AGBL4: variants seen among roughly 807,000 people sequenced by gnomAD.
AGBL4 encodes the protein AGBL carboxypeptidase 4, also known as cytosolic carboxypeptidase 6.
AGBL4 carries 58 observed loss-of-function variants against 66.4 expected under a neutral mutation model. That is an observed-to-expected ratio of 0.87 (90% confidence interval 0.71 to 1.09). The LOEUF is 1.09. Ranked by LOEUF, AGBL4 falls within the 50% of genes least tolerant of loss-of-function variation. The pLI is 0.00. For synonymous variants in AGBL4, 234 were observed against 222.9 expected (o/e 1.05, Z -0.44); for missense variants, 579 against 631.0 (o/e 0.92, Z 0.88).
chr1:48,746,136 T>C (rs28694548), intron 6 of AGBL4, among the ~76,000 whole-genome samples: 6,672 of 152,254 alleles, frequency 0.044, 461 homozygotes, highest in African/African-American at 0.15. Context: ...AAGATAACAG[T>C]GACTTGGCAA....
chr1:49,283,814 A>G (rs1280147214), intron 3 of AGBL4, among the ~76,000 whole-genome samples: 1 of 147,064 alleles, frequency 6.8e-6, no homozygotes, highest in Non-Finnish European at 1.5e-5. Context: ...AGGGAAGTTT[A>G]GAGAAAAAAG....
intron 3 of AGBL4, among the ~76,000 whole-genome samples, chr1:49,296,380 C>A (rs1041487451): frequency 6.6e-6 from 1 of 152,160 alleles, no homozygotes; most frequent in Non-Finnish European, 1.5e-5. Context: ...CAGTTGAGCT[C>A]ATCCTCCTTG....
chr1:49,930,350 C>T (rs1314265311), intron 1 of AGBL4, among the ~76,000 whole-genome samples: 1 of 151,960 alleles, frequency 6.6e-6, no homozygotes, highest in Non-Finnish European at 1.5e-5. Context: ...AAATTCCATT[C>T]CCTTTTAGTT....
intron 5 of AGBL4, among the ~76,000 whole-genome samples, chr1:48,958,155 G>A (rs1657652927): frequency 6.6e-6 from 1 of 152,100 alleles, no homozygotes; most frequent in African/African-American, 2.4e-5. Flanking sequence ...ACTGCGCCTG[G>A]CCTCTGCAGG....
intron 4 of AGBL4, among the ~76,000 whole-genome samples, chr1:49,081,752 A>T (rs923613720): frequency 2.0e-5 from 3 of 152,198 alleles, no homozygotes; most frequent in Non-Finnish European, 4.4e-5. Flanking sequence ...AGCATAGTAA[A>T]GGAAAAAGCC....
intron 5 of AGBL4, among the ~76,000 whole-genome samples, chr1:48,944,708 G>T (rs1374566800): frequency 6.6e-6 from 1 of 151,996 alleles, no homozygotes; most frequent in Non-Finnish European, 1.5e-5. Flanking sequence ...ACCCCCAGGG[G>T]ATTCTAATAC....
Position 49,915,671 on chromosome 1 carries a change from C to T in AGBL4, c.35-64153G>A, listed in dbSNP as rs184721627. On this transcript the variant is annotated intron_variant, in intron 1 of 13. Transcript: ENST00000371839. ...CCACCTCTTGGGGCAAGGGCATAGC[C>T]GAACAAAAGGCAGCAGAAACCTCTG... 1.5e-3 allele frequency among the ~76,000 whole-genome samples: 232 copies of T among 152,246 alleles called. 1 individual carries two copies. Among genetic ancestry groups the T allele is most frequent in the African/African-American group, 5.0e-3 (208 of 41,562 alleles).
intron 2 of AGBL4, among the ~76,000 whole-genome samples, chr1:49,737,392 G>A (rs898109661): frequency 2.0e-5 from 3 of 152,230 alleles, no homozygotes; most frequent in Admixed American, 2.0e-4. Context: ...CAACATGGAT[G>A]CAGCTGGAGG....
chr1:49,651,215 A>T (rs954379046), intron 3 of AGBL4, among the ~76,000 whole-genome samples: 1 of 152,168 alleles, frequency 6.6e-6, no homozygotes, highest in South Asian at 2.1e-4. Flanking sequence ...CAAGGGCATG[A>T]TAGGGAAAAG....
At chr1:49,707,808 A>T (rs1176524318) in intron 2 of AGBL4, among the ~76,000 whole-genome samples, 4 of 152,086 alleles carry the variant, frequency 2.6e-5, no homozygotes, top group Non-Finnish European at 5.9e-5. Flanking sequence ...TCCTTCACTT[A>T]TAAAGCTTAG....
chr1:48,892,959 T>C (rs1553120408), intron 5 of AGBL4, among the ~76,000 whole-genome samples: 1 of 152,164 alleles, frequency 6.6e-6, no homozygotes, highest in Non-Finnish European at 1.5e-5. Flanking sequence ...TTTAGGGGAA[T>C]ACAGTTAGAC....
chr1:48,818,609 TTTAC>T (rs1646241314), intron 6 of AGBL4, among the ~76,000 whole-genome samples: 1 of 152,202 alleles, frequency 6.6e-6, no homozygotes, highest in Non-Finnish European at 1.5e-5. Flanking sequence ...CAAACAGTTA[TTTAC>T]TTACTTATTT....
At chr1:49,629,282 T>C (rs1645523798) in intron 3 of AGBL4, among the ~76,000 whole-genome samples, 1 of 152,216 alleles carries the variant, frequency 6.6e-6, no homozygotes, top group Non-Finnish European at 1.5e-5. Context: ...AAAAGTTTTG[T>C]GACTTCTGCT....
Position 50,023,937 on chromosome 1 carries a change from G to A in AGBL4, c.-141C>T, listed in dbSNP as rs1572077676. 2.2e-6 allele frequency: 2 copies of A among 922,910 alleles called. No homozygotes were observed. Among genetic ancestry groups the A allele is most frequent in the Non-Finnish European group, 1.5e-6 (1 of 652,656 alleles). The allele number at this position is 922,910 out of a possible 1,614,324, so 57.2% of individuals were successfully genotyped here. A position where few individuals can be genotyped will look rare whatever the true frequency, so the allele number is the denominator to read the frequency against. On this transcript the variant is annotated 5_prime_UTR_variant, in exon 1 of 14. Transcript: ENST00000371839. ...CTGGGCAACGGGCGGCAGGCGCGCG[G>A]GTGGCCGGCGCGCGGCTGAGGGCGG...
At chr1:49,112,900 C>T (rs1476113643) in intron 4 of AGBL4, among the ~76,000 whole-genome samples, 1 of 152,062 alleles carries the variant, frequency 6.6e-6, no homozygotes, top group African/African-American at 2.4e-5. Flanking sequence ...TTCTGAACTC[C>T]TGTGAATGCT....
At chr1:49,970,400 T>C (rs992914801) in intron 1 of AGBL4, among the ~76,000 whole-genome samples, 4 of 151,850 alleles carry the variant, frequency 2.6e-5, no homozygotes, top group African/African-American at 9.7e-5. Context: ...TACAACTCAA[T>C]AGCGAAAAAA....
At chr1:48,698,216 C>G (rs995095275) in intron 6 of AGBL4, among the ~76,000 whole-genome samples, 1 of 152,134 alleles carries the variant, frequency 6.6e-6, no homozygotes, top group Non-Finnish European at 1.5e-5. Flanking sequence ...GGCTTGGGGC[C>G]AGTCCAAGAA....
At chr1:48,755,593 C>T (rs933858585) in intron 6 of AGBL4, among the ~76,000 whole-genome samples, 5 of 152,154 alleles carry the variant, frequency 3.3e-5, no homozygotes, top group African/African-American at 7.2e-5. Context: ...CAACTGAAGC[C>T]GAGAGTCAAA....
intron 3 of AGBL4, among the ~76,000 whole-genome samples, chr1:49,569,656 A>G (rs2148868265): frequency 1.3e-5 from 2 of 152,308 alleles, no homozygotes; most frequent in Middle Eastern, 6.8e-3. Flanking sequence ...CATATGGATC[A>G]AGTGAGTGCT....
Sources: allele counts gnomAD v4.1 joint callset (sites outside exome capture counted in the v4.1 genomes callset), GRCh38; gene constraint gnomAD v4.1.1; transcripts MANE v1.5; gene names NCBI Gene and HGNC (gene_info 2026-07-23, HGNC 2026-07-21).